Variants in TNRC6A observed in about 807,000 individuals in gnomAD.
The protein encoded by TNRC6A is trinucleotide repeat-containing gene 6A protein.
A neutral mutation model predicts 221.2 loss-of-function variants in TNRC6A; 44 were observed. The observed-to-expected ratio is 0.20, with a 90% CI of 0.16 to 0.26. The LOEUF is 0.26. TNRC6A is among the 10% of genes least tolerant of loss of function. TNRC6A has a pLI of 1.00. For synonymous variants in TNRC6A, 847 were observed against 838.5 expected, an observed-to-expected ratio of 1.01 and a Z score of -0.18; for missense variants, 2,199 against 2,404.4, an observed-to-expected ratio of 0.91 and a Z score of 1.79.
chr16:24,694,653 C>CA lies in TNRC6A; in HGVS notation n.402+53668dup, dbSNP rs145287258. ...TGGGTGACAGAGCAAGACTCTGTCTCAAAAAAAAAAAAAAAAAAAAAAAAG... is the reference window on the plus strand; with the variant it reads ...TGGGTGACAGAGCAAGACTCTGTCTCAAAAAAAAAAAAAAAAAAAAAAAAAG... On this transcript the variant is annotated intron_variant and non_coding_transcript_variant, in intron 2 of 2. Transcript: ENST00000566108. Among the ~76,000 whole-genome samples, 271 of 54,750 alleles carry CA rather than the reference C, an allele frequency of 4.9e-3. 3 individuals are homozygous for CA. Among genetic ancestry groups the CA allele is most frequent in the Non-Finnish European group, 5.6e-3 (181 of 32,584 alleles). The allele number at this position is 54,750 out of a possible 152,430, so 35.9% of individuals were successfully genotyped here.
rs747414095 is a variant in TNRC6A at position 24,809,494 on chromosome 16, C to T, written c.4672+13C>T. The stretch of plus-strand genomic sequence containing the variant: ...TCCAGCAAACATGGTACAAAAGATA[C>T]ATCTTACCAAAAAAAAAAAAAAAAC... On this transcript the variant is annotated intron_variant, in intron 18 of 24. Coordinates refer to ENST00000395799, the MANE Select transcript of TNRC6A (RefSeq NM_014494.4). 5 of 1,250,924 alleles carry T rather than the reference C, an allele frequency of 4.0e-6. No individual in the cohort carries two copies. The highest frequency in any genetic ancestry group is 2.5e-5 in the African/African-American group (1 of 40,410). 77.5% of individuals were successfully genotyped at this position (1,250,924 alleles called of 1,614,324 possible).
intron 2 of TNRC6A, among the ~76,000 whole-genome samples, chr16:24,689,214 A>C (rs898284821): frequency 6.6e-6 from 1 of 152,226 alleles, no homozygotes; most frequent in Non-Finnish European, 1.5e-5. Context: ...AACCACTTGG[A>C]GATACTAACC....
intron 2 of TNRC6A, among the ~76,000 whole-genome samples, chr16:24,657,317 C>CAAAAAAAAAAAAAAAAAAAAAAAA (rs56241898): frequency 1.1e-5 from 1 of 88,170 alleles, no homozygotes; most frequent in Admixed American, 1.5e-4. Flanking sequence ...GACCCTATCT[C>CAAAAAAAAAAAAAAAAAAAAAAAA]AAAAAAAAAA....
chr16:24,618,046 C>T (rs1297510069), intron 1 of TNRC6A, among the ~76,000 whole-genome samples: 5 of 152,034 alleles, frequency 3.3e-5, no homozygotes, highest in African/African-American at 9.7e-5. Flanking sequence ...TACAGGCGTG[C>T]GGCACCACAC....
At chr16:24,710,752 C>T (rs1345263898) in intron 2 of TNRC6A, among the ~76,000 whole-genome samples, 2 of 150,844 alleles carry the variant, frequency 1.3e-5, no homozygotes, top group East Asian at 3.9e-4. Flanking sequence ...GATGAAGTCT[C>T]ACTCTGTCGC....
chr16:24,749,214 C>T (rs531493853), intron 2 of TNRC6A, among the ~76,000 whole-genome samples: 4 of 152,266 alleles, frequency 2.6e-5, no homozygotes, highest in Admixed American at 6.5e-5. Context: ...GAGTTTCTTC[C>T]GCCTTTGCAA....
rs1211653069 is a variant in TNRC6A at position 24,822,668 on chromosome 16, G to A, written c.5374-206G>A. 2.0e-5 allele frequency among the ~76,000 whole-genome samples: 3 copies of A among 152,120 alleles called. No homozygotes were observed. In the East Asian group the frequency reaches 5.8e-4, roughly 29 times the overall value. The stretch of plus-strand genomic sequence containing the variant: ...TCTGGGGAGTGTCCAGGAGTCTAGA[G>A]GCCAGAGCGGTATGGCTCTGGGAGC... On this transcript the variant is annotated intron_variant, in intron 23 of 24. Coordinates refer to ENST00000395799, the MANE Select transcript of TNRC6A (RefSeq NM_014494.4).
At chr16:24,612,364 G>A (rs1184283149) in intron 1 of TNRC6A, among the ~76,000 whole-genome samples, 2 of 152,268 alleles carry the variant, frequency 1.3e-5, no homozygotes, top group Non-Finnish European at 2.9e-5. Context: ...TTGCTTAAGG[G>A]CACTCAGCTA....
intron 4 of TNRC6A, among the ~76,000 whole-genome samples, chr16:24,773,467 G>A (rs2057655153): frequency 6.6e-6 from 1 of 152,156 alleles, no homozygotes; most frequent in Non-Finnish European, 1.5e-5. Flanking sequence ...AATATCCACT[G>A]TATTATTTCT....
At chr16:24,737,227 A>G (rs2056789896) in intron 2 of TNRC6A, among the ~76,000 whole-genome samples, 1 of 152,236 alleles carries the variant, frequency 6.6e-6, no homozygotes, top group South Asian at 2.1e-4. Context: ...TCAAAGGGTC[A>G]TTACTCCTCA....
At chr16:24,799,844 C>T (rs1192521060) in intron 11 of TNRC6A, among the ~76,000 whole-genome samples, 1 of 152,194 alleles carries the variant, frequency 6.6e-6, no homozygotes, top group Non-Finnish European at 1.5e-5. Context: ...AGGATCTGAG[C>T]CCCCAGTTGT....
chr16:24,751,715 A>C (rs535005273), intron 3 of TNRC6A, among the ~76,000 whole-genome samples: 3 of 152,276 alleles, frequency 2.0e-5, no homozygotes, highest in Non-Finnish European at 4.4e-5. Flanking sequence ...TGAGCCAGGC[A>C]TTGTGCTAGG....
intron 11 of TNRC6A, among the ~76,000 whole-genome samples, chr16:24,799,260 G>C (rs115518511): frequency 0.014 from 2,090 of 152,264 alleles, 44 homozygotes; most frequent in African/African-American, 0.047. Flanking sequence ...TTTTTTCACA[G>C]AGCAATCCAA....
chr16:24,766,755 C>T (rs189214243), intron 4 of TNRC6A, among the ~76,000 whole-genome samples: 23 of 149,166 alleles, frequency 1.5e-4, no homozygotes, highest in Non-Finnish European at 3.2e-4. Flanking sequence ...CAGCTCACTG[C>T]AACCTCCACC....
intron 2 of TNRC6A, among the ~76,000 whole-genome samples, chr16:24,676,125 A>T (rs998071216): frequency 2.0e-5 from 3 of 151,940 alleles, no homozygotes; most frequent in Non-Finnish European, 2.9e-5. Flanking sequence ...AGATAAAAAG[A>T]ATCAAAAATG....
intron 2 of TNRC6A, among the ~76,000 whole-genome samples, chr16:24,641,964 C>G (rs144929448): frequency 1.3e-5 from 2 of 152,132 alleles, no homozygotes; most frequent in Non-Finnish European, 2.9e-5. Flanking sequence ...TCAATTGACA[C>G]GGTATTAATC....
Position 24,709,824 on chromosome 16 carries a change from C to CAAAAAAA in TNRC6A, n.403-40891_403-40885dup, listed in dbSNP as rs60844823. The stretch of plus-strand genomic sequence containing the variant: ...TGGGCAACAGAACAAGACCCTGTCT[C>CAAAAAAA]AAAAAAAAAAAAAAAAAGAAGTTTA... On this transcript the variant is annotated intron_variant and non_coding_transcript_variant, in intron 2 of 2. Transcript: ENST00000566108. 6.5e-3 allele frequency among the ~76,000 whole-genome samples: 674 copies of CAAAAAAA among 103,584 alleles called. 19 individuals carry two copies. Among genetic ancestry groups the CAAAAAAA allele is most frequent in the African/African-American group, 0.021 (571 of 26,654 alleles). 68.0% of individuals were successfully genotyped at this position (103,584 alleles called of 152,430 possible).
rs749882396 is a variant in TNRC6A, at chr16:24,625,737, CA to C, written n.277-15122del. The stretch of plus-strand genomic sequence containing the variant: ...GACAGAGCGAGACTCCGTCTCAAAA[CA>C]AAAAAAAAAAAAAAAAAAAAAAAAT... On this transcript the variant is annotated intron_variant and non_coding_transcript_variant, in intron 1 of 2. Transcript: ENST00000566108. Among the ~76,000 whole-genome samples, 114 of 24,032 alleles carry C rather than the reference CA, an allele frequency of 4.7e-3. 1 individual carries two copies. The East Asian group carries it at 0.06, about 13-fold the overall frequency. 15.8% of individuals were successfully genotyped at this position (24,032 alleles called of 152,430 possible). A position where few individuals can be genotyped will look rare whatever the true frequency, so the allele number is the denominator to read the frequency against.
intron 18 of TNRC6A, among the ~76,000 whole-genome samples, chr16:24,811,675 T>A (rs2058546177): frequency 6.6e-6 from 1 of 151,912 alleles, no homozygotes; most frequent in Non-Finnish European, 1.5e-5. Flanking sequence ...TTTCGAATGA[T>A]GCCTCTGGGT....
Sources: allele counts gnomAD v4.1 joint callset (sites outside exome capture counted in the v4.1 genomes callset), GRCh38; gene constraint gnomAD v4.1.1; transcripts MANE v1.5; gene names NCBI Gene and HGNC (gene_info 2026-07-23, HGNC 2026-07-21).